The following CUL3 variants were observed in gnomAD, a reference collection of about 807,000 sequenced individuals.
The protein encoded by CUL3 is cullin 3.
CUL3 carries 19 observed loss-of-function variants against 89.1 expected under a neutral mutation model. That is an observed-to-expected ratio of 0.21 (90% confidence interval 0.15 to 0.31). The LOEUF is 0.31. Ranked by LOEUF, CUL3 falls within the 10% of genes least tolerant of loss-of-function variation. The pLI, the probability that CUL3 is intolerant of heterozygous loss-of-function variation, is 1.00. For missense variants in CUL3, 469 were observed against 942.3 expected, an observed-to-expected ratio of 0.50 and a Z score of 6.58; for synonymous variants, 351 against 308.4, an observed-to-expected ratio of 1.14 and a Z score of -1.45.
chr2:224,478,162 G>A lies in CUL3; in HGVS notation c.2175+38C>T, dbSNP rs751881249. Reference sequence around the variant, plus strand: ...CAATAATTTTGTTAATAATGTTACTGTTTTTTCTATATTAGCCCAGTAGTG... The same window carrying A: ...CAATAATTTTGTTAATAATGTTACTATTTTTTCTATATTAGCCCAGTAGTG... On this transcript the variant is annotated intron_variant, in intron 15 of 15. Transcript: ENST00000264414. The A allele has an allele frequency of 5.3e-6, 8 of 1,521,642 alleles. No individual in the cohort carries two copies. In the East Asian group the frequency reaches 1.8e-4, roughly 35 times the overall value. The allele number at this position is 1,521,642 out of a possible 1,614,324, so 94.3% of individuals were successfully genotyped here.
At chr2:224,550,028 T>C (rs1224226335) in intron 2 of CUL3, among the ~76,000 whole-genome samples, 2 of 152,204 alleles carry the variant, frequency 1.3e-5, no homozygotes, top group East Asian at 1.9e-4. Context: ...TCAATGTATC[T>C]GAACACGAAG....
At position 224,544,910 on chromosome 2, in the gene CUL3, G is replaced by T. The variant is rs985205521; in HGVS notation, c.265-9269C>A. Among the ~76,000 whole-genome samples the T allele has an allele frequency of 2.0e-5, 3 of 151,950 alleles. No individual in the cohort carries two copies. In the East Asian group the frequency reaches 5.8e-4, roughly 29 times the overall value. Reference sequence around the variant, plus strand: ...ACTGCAATGTTCTGCTATTTTTACAGAAGTCATATACAAAAATAGGGGCAG... The same window carrying T: ...ACTGCAATGTTCTGCTATTTTTACATAAGTCATATACAAAAATAGGGGCAG... On this transcript the variant is annotated intron_variant, in intron 2 of 15. Coordinates refer to ENST00000264414, the MANE Select transcript of CUL3 (RefSeq NM_003590.5).
intron 3 of CUL3, among the ~76,000 whole-genome samples, chr2:224,534,575 G>T (rs1693814651): frequency 6.6e-6 from 1 of 152,066 alleles, no homozygotes; most frequent in Admixed American, 6.6e-5. Context: ...TGTTAATATG[G>T]TTTTTTCCAT....
chr2:224,537,648 A>G (rs1693944565), intron 2 of CUL3, among the ~76,000 whole-genome samples: 1 of 152,200 alleles, frequency 6.6e-6, no homozygotes, highest in South Asian at 2.1e-4. Context: ...GAAGAGTAGC[A>G]ATTAAATTAA....
intron 13 of CUL3, 77 bp from the exon 14 acceptor site, chr2:224,482,155 G>T: frequency 2.7e-6 from 3 of 1,126,506 alleles, no homozygotes; most frequent in Non-Finnish European, 3.8e-6. Context: ...AACTGACCAA[G>T]CAGTAGTTAA....
chr2:224,553,730 A>G (rs1694602027), intron 2 of CUL3, among the ~76,000 whole-genome samples: 1 of 152,210 alleles, frequency 6.6e-6, no homozygotes, highest in South Asian at 2.1e-4. Context: ...GTGAAGACAC[A>G]GCAAGGAGGT....
At chr2:224,534,809 C>G (rs1002377457) in intron 3 of CUL3, among the ~76,000 whole-genome samples, 3 of 151,302 alleles carry the variant, frequency 2.0e-5, no homozygotes, top group African/African-American at 7.3e-5. Flanking sequence ...GGTGAAACCC[C>G]GTCTCTACTA....
intron 1 of CUL3, among the ~76,000 whole-genome samples, chr2:224,568,260 T>C (rs897460641): frequency 1.3e-5 from 2 of 152,248 alleles, no homozygotes; most frequent in African/African-American, 2.4e-5. Flanking sequence ...TAAACTGTAG[T>C]GTATTTTCGT....
chr2:224,523,650 A>G (rs1693351299), intron 3 of CUL3, among the ~76,000 whole-genome samples: 1 of 152,236 alleles, frequency 6.6e-6, no homozygotes. Context: ...AGTAGCCAAA[A>G]GGTGAAAACA....
At chr2:224,567,997 A>G (rs1330354467) in intron 1 of CUL3, among the ~76,000 whole-genome samples, 2 of 151,860 alleles carry the variant, frequency 1.3e-5, no homozygotes, top group Non-Finnish European at 2.9e-5. Context: ...GCTGTTTCTC[A>G]CTCTATTTCC....
intron 1 of CUL3, among the ~76,000 whole-genome samples, chr2:224,577,518 G>C (rs1419318051): frequency 6.6e-6 from 1 of 151,184 alleles, no homozygotes; most frequent in African/African-American, 2.4e-5. Context: ...GCACTGAGCT[G>C]AGATCACGCC....
At chr2:224,510,219 GTTT>G (rs1553522669) in intron 6 of CUL3, among the ~76,000 whole-genome samples, 2 of 105,352 alleles carry the variant, frequency 1.9e-5, no homozygotes, top group Admixed American at 9.3e-5. Context: ...GATGACTTCT[GTTT>G]TTTTTTTTTT....
At chr2:224,506,795 C>T (rs1236592980) in intron 7 of CUL3, 63 bp downstream of exon 7, 7 of 1,487,550 alleles carry the variant, frequency 4.7e-6, no homozygotes, top group Non-Finnish European at 5.5e-6. Context: ...GTAAAAGTGG[C>T]CTTTTTAGCA....
intron 2 of CUL3, among the ~76,000 whole-genome samples, chr2:224,543,362 AAT>A (rs938318620): frequency 2.6e-5 from 4 of 152,224 alleles, no homozygotes; most frequent in Non-Finnish European, 5.9e-5. Context: ...AATGAGACAT[AAT>A]AACATGGAGC....
At chr2:224,528,339 A>G (rs1272432121) in intron 3 of CUL3, among the ~76,000 whole-genome samples, 1 of 152,094 alleles carries the variant, frequency 6.6e-6, no homozygotes, top group African/African-American at 2.4e-5. Context: ...TTCTACAATC[A>G]TATCGCCTTT....
rs10498160 is a variant in CUL3 at position 224,471,814 on chromosome 2, C to A, written c.*2431G>T. On this transcript the variant is annotated 3_prime_UTR_variant, in exon 16 of 16. Coordinates refer to ENST00000264414, the MANE Select transcript of CUL3 (RefSeq NM_003590.5). ...GCAGAGAATTACACTTTAACAGTTA[C>A]TGAAGAGATGACATGATTTTTGCAG... 0.18 allele frequency: 40,463 copies of A among 228,248 alleles called. 4,128 individuals carry two copies. The highest frequency in any genetic ancestry group is 0.29 in the East Asian group (4,595 of 15,816). The allele number at this position is 228,248 out of a possible 1,614,324, so 14.1% of individuals were successfully genotyped here.
intron 1 of CUL3, chr2:224,563,236 ACATCTCTTGTATACTACTTTTCCAGAGC>A (rs1334596108): frequency 8.5e-6 from 4 of 471,180 alleles, no homozygotes; most frequent in African/African-American, 8.0e-5. Context: ...TTATTCCCCT[ACATCTCTTGTATACTACTTTTCCAGAGC>A]CATTTAAATC....
chr2:224,537,642 A>G (rs191126904), intron 2 of CUL3, among the ~76,000 whole-genome samples: 27 of 152,342 alleles, frequency 1.8e-4, no homozygotes, highest in African/African-American at 6.5e-4. Flanking sequence ...TTTACTGAAG[A>G]GTAGCAATTA....
intron 2 of CUL3, among the ~76,000 whole-genome samples, chr2:224,543,191 T>C (rs763843945): frequency 6.6e-6 from 1 of 152,170 alleles, no homozygotes; most frequent in Non-Finnish European, 1.5e-5. Flanking sequence ...ACATAATCAA[T>C]GATGATATGG....
Sources: allele counts gnomAD v4.1 joint callset (sites outside exome capture counted in the v4.1 genomes callset), GRCh38; gene constraint gnomAD v4.1.1; transcripts MANE v1.5; gene names NCBI Gene and HGNC (gene_info 2026-07-23, HGNC 2026-07-21).